The following VPS13B variants were observed in gnomAD, a reference collection of about 807,000 sequenced individuals.
VPS13B encodes the protein vacuolar protein sorting 13 homolog B, also known as intermembrane lipid transfer protein VPS13B.
Under a neutral mutation model 426.4 loss-of-function variants are expected in VPS13B, and 285 were observed. The ratio of observed to expected loss-of-function variants is 0.67; its 90% confidence interval spans 0.61 to 0.74. The LOEUF is 0.74. VPS13B is among the 30% of genes least tolerant of loss of function. The pLI is 0.00. For synonymous variants in VPS13B, 1,676 were observed against 1,676.4 expected (o/e 1.00, Z 0.01); for missense variants, 4,537 against 4,782.6 (o/e 0.95, Z 1.51).
intron 17 of VPS13B, among the ~76,000 whole-genome samples, chr8:99,259,544 T>C (rs1275535497): frequency 6.6e-6 from 1 of 152,222 alleles, no homozygotes; most frequent in African/African-American, 2.4e-5. Context: ...AGTGAAAAGA[T>C]AGACCATTTC....
At chr8:99,811,670 G>C (rs573710084) in intron 44 of VPS13B, among the ~76,000 whole-genome samples, 2 of 152,280 alleles carry the variant, frequency 1.3e-5, no homozygotes, top group East Asian at 3.9e-4. Flanking sequence ...CCTCCATAGA[G>C]AAATGGTTTT....
chr8:99,392,709 ATTTG>A (rs1284788184), intron 21 of VPS13B, among the ~76,000 whole-genome samples: 3 of 152,118 alleles, frequency 2.0e-5, no homozygotes, highest in African/African-American at 7.2e-5. Context: ...GCTAAAATAA[ATTTG>A]TTTATGGTAT....
chr8:99,818,556 A>G (rs1471992371), intron 46 of VPS13B, 22 bp downstream of exon 46: 1 of 1,612,598 alleles, frequency 6.2e-7, no homozygotes, highest in Admixed American at 1.7e-5. Context: ...CCCAATCCTA[A>G]AATATGGTAT....
At chr8:99,557,220 G>A (rs1824631981) in intron 31 of VPS13B, among the ~76,000 whole-genome samples, 1 of 151,818 alleles carries the variant, frequency 6.6e-6, no homozygotes, top group South Asian at 2.1e-4. Context: ...TGATTTCTGG[G>A]ATCTTGGTAC....
chr8:99,853,533 G>A lies in VPS13B; in HGVS notation c.10144G>A (p.Ala3382Thr). The change falls in exon 56 of 62, where the codon GCA becomes ACA. Residue 3382 changes from alanine to threonine, a missense_variant. By Grantham distance (58) the Ala-to-Thr change is moderately conservative. Coordinates refer to ENST00000357162, the MANE Select transcript of VPS13B (RefSeq NM_152564.5). ...GTTTGATGACCTCACCCACCACAAA[G>A]CATCAGCTGAGCTTCTGAGACTCAC... ...AVFDDLTHHK[A>T]SAELLRLTLD... 1 of 1,614,170 alleles carries A rather than the reference G, an allele frequency of 6.2e-7. No homozygotes were observed. Among genetic ancestry groups the A allele is most frequent in the South Asian group, 1.1e-5 (1 of 91,086 alleles).
chr8:99,166,071 C>T (rs1811986081), intron 15 of VPS13B, among the ~76,000 whole-genome samples: 1 of 152,168 alleles, frequency 6.6e-6, no homozygotes, highest in Admixed American at 6.5e-5. Context: ...CGTCCGCCTC[C>T]CGGGTTCAAG....
At chr8:99,833,770 A>G (rs188140174) in intron 52 of VPS13B, among the ~76,000 whole-genome samples, 31 of 152,380 alleles carry the variant, frequency 2.0e-4, no homozygotes, top group African/African-American at 7.5e-4. Context: ...TAATTACAGT[A>G]TAATTTAATC....
chr8:99,358,197 G>A (rs1812295226), intron 19 of VPS13B, among the ~76,000 whole-genome samples: 1 of 152,160 alleles, frequency 6.6e-6, no homozygotes, highest in Non-Finnish European at 1.5e-5. Context: ...AGTTGGTTTG[G>A]TGCCTTCAGA....
At chr8:99,577,792 A>G in intron 33 of VPS13B, 159 bp downstream of exon 33, 4 of 1,061,218 alleles carry the variant, frequency 3.8e-6, no homozygotes, top group Non-Finnish European at 5.4e-6. Context: ...GATATTCTTT[A>G]TTTTAGAAAT....
intron 16 of VPS13B, among the ~76,000 whole-genome samples, chr8:99,173,398 C>G (rs1812460734): frequency 6.6e-6 from 1 of 151,984 alleles, no homozygotes; most frequent in Non-Finnish European, 1.5e-5. Context: ...ACCTTCAAGT[C>G]TAAAAAAAAT....
intron 19 of VPS13B, among the ~76,000 whole-genome samples, chr8:99,324,465 C>T (rs1460607334): frequency 2.6e-5 from 4 of 152,058 alleles, no homozygotes; most frequent in Non-Finnish European, 5.9e-5. Context: ...TATTTTAAAA[C>T]TTTGCTTGCA....
intron 23 of VPS13B, among the ~76,000 whole-genome samples, chr8:99,444,894 C>G (rs1345795472): frequency 6.6e-6 from 1 of 152,114 alleles, no homozygotes; most frequent in Admixed American, 6.5e-5. Context: ...AACTCCTGGG[C>G]TGCCTCAGCT....
chr8:99,362,422 G>A (rs575780651), intron 19 of VPS13B, among the ~76,000 whole-genome samples: 5 of 152,194 alleles, frequency 3.3e-5, no homozygotes, highest in East Asian at 1.9e-4. Context: ...GATTATAAGC[G>A]TGGGACACCG....
At chr8:99,410,397 T>C (rs1815569136) in intron 21 of VPS13B, among the ~76,000 whole-genome samples, 1 of 152,088 alleles carries the variant, frequency 6.6e-6, no homozygotes, top group African/African-American at 2.4e-5. Flanking sequence ...TGTGCCTTTG[T>C]GCATCTTCTT....
chr8:99,618,491 A>G (rs1422691988), intron 33 of VPS13B, among the ~76,000 whole-genome samples: 1 of 152,200 alleles, frequency 6.6e-6, no homozygotes, highest in Non-Finnish European at 1.5e-5. Flanking sequence ...GGTTGTCTGC[A>G]TGTTTGGGAC....
chr8:99,189,556 T>G (rs1813434565), intron 16 of VPS13B, among the ~76,000 whole-genome samples: 1 of 152,086 alleles, frequency 6.6e-6, no homozygotes, highest in Non-Finnish European at 1.5e-5. Context: ...GATAAATATT[T>G]CTGTATACTA....
At position 99,600,882 on chromosome 8, in the gene VPS13B, T is replaced by C. The variant is rs369630936; in HGVS notation, c.5220+23249T>C. On this transcript the variant is annotated intron_variant, in intron 33 of 61. Transcript: ENST00000357162. ...CATCTCCCTGCACTTTGCAACTTTATTGAACTCTTAACCAGCTCACTGTTT... is the reference window on the plus strand; with the variant it reads ...CATCTCCCTGCACTTTGCAACTTTACTGAACTCTTAACCAGCTCACTGTTT... Among the ~76,000 whole-genome samples the C allele has an allele frequency of 1.4e-4, 21 of 152,316 alleles. 2 individuals are homozygous for C. The highest frequency in any genetic ancestry group is 4.6e-4 in the African/African-American group (19 of 41,570).
At chr8:99,280,048 C>T (rs1188282256) in intron 19 of VPS13B, among the ~76,000 whole-genome samples, 4 of 152,304 alleles carry the variant, frequency 2.6e-5, no homozygotes, top group South Asian at 4.1e-4. Flanking sequence ...GGATTACAGG[C>T]GTAAGCCATC....
chr8:99,555,875 A>G (rs1824535223), intron 30 of VPS13B, among the ~76,000 whole-genome samples: 1 of 152,172 alleles, frequency 6.6e-6, no homozygotes, highest in African/African-American at 2.4e-5. Flanking sequence ...CAACAACTAC[A>G]TTTGGGTTAT....
Sources: allele counts gnomAD v4.1 joint callset (sites outside exome capture counted in the v4.1 genomes callset), GRCh38; gene constraint gnomAD v4.1.1; transcripts MANE v1.5; gene names NCBI Gene and HGNC (gene_info 2026-07-23, HGNC 2026-07-21).